PRKG1: variants seen among roughly 807,000 people sequenced by gnomAD.
The protein encoded by PRKG1 is cGMP-dependent protein kinase 1.
In PRKG1, 35 loss-of-function variants were observed where a neutral mutation model predicts 88.1. That is an observed-to-expected ratio of 0.40 (90% CI 0.30 to 0.53). The LOEUF is 0.53. Ranked by LOEUF, PRKG1 falls within the 20% of genes least tolerant of loss-of-function variation. The pLI is 0.59. For synonymous variants in PRKG1, 303 were observed against 292.5 expected, an observed-to-expected ratio of 1.04 and a Z score of -0.37; for missense variants, 540 against 839.8, an observed-to-expected ratio of 0.64 and a Z score of 4.41.
chr10:51,179,359 C>G (rs534564057), intron 2 of PRKG1, among the ~76,000 whole-genome samples: 2 of 152,164 alleles, frequency 1.3e-5, no homozygotes, highest in Non-Finnish European at 1.5e-5. Flanking sequence ...GCAGACAAAA[C>G]TTAAATGAAG....
At chr10:51,650,401 C>T (rs1840011707) in intron 3 of PRKG1, among the ~76,000 whole-genome samples, 1 of 152,162 alleles carries the variant, frequency 6.6e-6, no homozygotes, top group South Asian at 2.1e-4. Context: ...ACATACTAAG[C>T]ATAGTATCTT....
At chr10:51,203,874 A>T (rs1837975369) in intron 2 of PRKG1, among the ~76,000 whole-genome samples, 1 of 152,182 alleles carries the variant, frequency 6.6e-6, no homozygotes, top group African/African-American at 2.4e-5. Context: ...TTTCTTCAGC[A>T]TCTTTCCTGT....
At chr10:51,758,231 A>G (rs1406678015) in intron 3 of PRKG1, among the ~76,000 whole-genome samples, 1 of 152,226 alleles carries the variant, frequency 6.6e-6, no homozygotes, top group Non-Finnish European at 1.5e-5. Flanking sequence ...GACTGTTCCA[A>G]TGGTGGGTGG....
intron 3 of PRKG1, among the ~76,000 whole-genome samples, chr10:51,534,666 CA>C (rs10626534): frequency 7.0e-4 from 85 of 120,764 alleles, no homozygotes; most frequent in African/African-American, 2.2e-3. Context: ...GACTCTGTCT[CA>C]AAAAAAAAAA....
At chr10:51,785,433 G>A (rs1838703678) in intron 3 of PRKG1, among the ~76,000 whole-genome samples, 1 of 152,070 alleles carries the variant, frequency 6.6e-6, no homozygotes, top group Non-Finnish European at 1.5e-5. Context: ...CAGGGAAGCT[G>A]AAGAGCTGGT....
At chr10:51,375,613 A>G (rs1842800835) in intron 2 of PRKG1, among the ~76,000 whole-genome samples, 3 of 152,178 alleles carry the variant, frequency 2.0e-5, no homozygotes, top group South Asian at 4.1e-4. Context: ...AGCCTGTTGT[A>G]TGTGAAGTGC....
intron 3 of PRKG1, among the ~76,000 whole-genome samples, chr10:51,762,620 G>T (rs555140638): frequency 6.6e-6 from 1 of 152,100 alleles, no homozygotes; most frequent in South Asian, 2.1e-4. Context: ...TTTTTACCTA[G>T]GAGTGTTTAA....
At chr10:51,372,045 T>C (rs1001178281) in intron 2 of PRKG1, among the ~76,000 whole-genome samples, 1 of 152,176 alleles carries the variant, frequency 6.6e-6, no homozygotes, top group African/African-American at 2.4e-5. Flanking sequence ...TCCAGTTTTC[T>C]ATACGTTTGA....
intron 10 of PRKG1, among the ~76,000 whole-genome samples, chr10:52,255,830 T>C (rs992474599): frequency 1.4e-4 from 21 of 152,050 alleles, no homozygotes; most frequent in African/African-American, 5.1e-4. Flanking sequence ...AATGAAACTA[T>C]TGAAGAAACA....
intron 2 of PRKG1, among the ~76,000 whole-genome samples, chr10:51,384,308 T>C (rs918648840): frequency 2.0e-5 from 3 of 152,128 alleles, no homozygotes; most frequent in African/African-American, 4.8e-5. Context: ...ACAAATGTTA[T>C]AAAATTATAT....
intron 9 of PRKG1, among the ~76,000 whole-genome samples, chr10:52,226,129 A>G (rs898470017): frequency 1.3e-5 from 2 of 151,992 alleles, no homozygotes; most frequent in African/African-American, 4.8e-5. Context: ...ATTTGCTAAA[A>G]GTACTTCATG....
rs920752709 is a variant in PRKG1 at position 50,991,826 on chromosome 10, C to T, written c.266+182C>T. ...TGTTTATTTTTATTTCTGCCCATCA[C>T]GTGCTGTGCTTGTCTCCGCCGGGCT... On this transcript the variant is annotated intron_variant, in intron 1 of 17. Transcript: ENST00000401604. The surrounding 1 kb of genome is among the most constrained non-coding windows in gnomAD (Gnocchi z 4.5). Among the ~76,000 whole-genome samples, 1 of 152,126 alleles carries T rather than the reference C, an allele frequency of 6.6e-6. No homozygotes were observed. The highest frequency in any genetic ancestry group is 1.5e-5 in the Non-Finnish European group (1 of 68,004).
chr10:51,554,685 A>G (rs74814557), intron 3 of PRKG1, among the ~76,000 whole-genome samples: 4,784 of 102,086 alleles, frequency 0.047, 137 homozygotes, highest in African/African-American at 0.12. Context: ...GACTATGTGC[A>G]TTTTAAGGGG....
At chr10:51,786,135 G>T (rs1419707830) in intron 3 of PRKG1, among the ~76,000 whole-genome samples, 1 of 152,238 alleles carries the variant, frequency 6.6e-6, no homozygotes, top group East Asian at 1.9e-4. Context: ...GGAATAAACA[G>T]TATCAATGAA....
chr10:51,335,515 CT>C (rs1351087752), intron 2 of PRKG1, among the ~76,000 whole-genome samples: 1 of 152,008 alleles, frequency 6.6e-6, no homozygotes, highest in Admixed American at 6.6e-5. Context: ...TTTAGGTACA[CT>C]TTTAAATTCA....
chr10:51,299,659 G>T (rs1286240248), intron 2 of PRKG1: 2 of 457,096 alleles, frequency 4.4e-6, no homozygotes, highest in Non-Finnish European at 8.9e-6. Flanking sequence ...AGTTAGGACT[G>T]CAGATACAGG....
intron 2 of PRKG1, among the ~76,000 whole-genome samples, chr10:51,223,715 A>G (rs75030610): frequency 0.012 from 1,843 of 152,274 alleles, 30 homozygotes; most frequent in African/African-American, 0.04. Flanking sequence ...TATAAAAACA[A>G]TTCTTCGAGA....
At chr10:52,033,816 T>G (rs1011225797) in intron 5 of PRKG1, among the ~76,000 whole-genome samples, 35 of 152,152 alleles carry the variant, frequency 2.3e-4, no homozygotes, top group African/African-American at 8.4e-4. Context: ...CATGGCTGTT[T>G]ATTTCACCCG....
intron 7 of PRKG1, among the ~76,000 whole-genome samples, chr10:52,092,832 G>A (rs971518094): frequency 1.3e-5 from 2 of 152,156 alleles, no homozygotes; most frequent in African/African-American, 2.4e-5. Flanking sequence ...AAAGCAGAAT[G>A]TTGAGCCAAA....
Sources: allele counts gnomAD v4.1 joint callset (sites outside exome capture counted in the v4.1 genomes callset), GRCh38; gene constraint gnomAD v4.1.1; non-coding constraint Gnocchi (gnomAD v3.1); transcripts MANE v1.5; gene names NCBI Gene and HGNC (gene_info 2026-07-23, HGNC 2026-07-21).